WDR41: variants seen among roughly 807,000 people sequenced by gnomAD.
WDR41 encodes the protein WD repeat-containing protein 41.
Under a neutral mutation model 69.3 loss-of-function variants are expected in WDR41, and 63 were observed. The ratio of observed to expected loss-of-function variants is 0.91; its 90% confidence interval spans 0.74 to 1.12. WDR41 has a LOEUF of 1.12. WDR41 is among the 50% of genes most tolerant of loss of function. WDR41 has a pLI of 0.00. For missense variants in WDR41, 543 were observed against 534.5 expected (o/e 1.02, Z -0.16); for synonymous variants, 185 against 192.1 (o/e 0.96, Z 0.31).
intron 2 of WDR41, among the ~76,000 whole-genome samples, chr5:77,472,635 CAGAG>C (rs1800680751): frequency 6.6e-6 from 1 of 152,010 alleles, no homozygotes; most frequent in South Asian, 2.1e-4. Context: ...CAATAACAGA[CAGAG>C]AGCCAAATCA....
intron 1 of WDR41, among the ~76,000 whole-genome samples, chr5:77,586,721 CTT>C (rs763627760): frequency 5.4e-5 from 7 of 130,084 alleles, no homozygotes; most frequent in Admixed American, 1.6e-4. Flanking sequence ...ATTATCTAAA[CTT>C]TTTTTTTTTT....
chr5:77,603,742 A>C (rs1420219791), intron 1 of WDR41, among the ~76,000 whole-genome samples: 2 of 152,020 alleles, frequency 1.3e-5, no homozygotes, highest in Non-Finnish European at 2.9e-5. Flanking sequence ...TCTTGAGTTG[A>C]CTTTTGTATA....
chr5:77,578,818 C>T (rs114864585), intron 1 of WDR41, among the ~76,000 whole-genome samples: 3,815 of 141,408 alleles, frequency 0.027, 65 homozygotes, highest in African/African-American at 0.049. Context: ...AAGCCAAGAT[C>T]GCACCACTGC....
At chr5:77,471,275 C>A (rs1800594600) in intron 2 of WDR41, among the ~76,000 whole-genome samples, 1 of 152,180 alleles carries the variant, frequency 6.6e-6, no homozygotes, top group South Asian at 2.1e-4. Flanking sequence ...ACATTCAAAG[C>A]AGTGTGTAGA....
At chr5:77,480,606 T>C (rs562142873) in intron 2 of WDR41, among the ~76,000 whole-genome samples, 29 of 145,676 alleles carry the variant, frequency 2.0e-4, no homozygotes, top group African/African-American at 7.2e-4. Context: ...TTCTCACTCA[T>C]AGGTGGGAAC....
intron 1 of WDR41, among the ~76,000 whole-genome samples, chr5:77,556,095 C>CTTTTTTTT (rs34372647): frequency 1.7e-5 from 1 of 57,690 alleles, no homozygotes; most frequent in Non-Finnish European, 3.1e-5. Flanking sequence ...AAAAGATGGA[C>CTTTTTTTT]TTTTTTTTTT....
intron 1 of WDR41, among the ~76,000 whole-genome samples, chr5:77,573,929 C>T (rs1743778050): frequency 6.6e-6 from 1 of 152,156 alleles, no homozygotes; most frequent in African/African-American, 2.4e-5. Context: ...ACCCTGGTCT[C>T]ATTATTGCTT....
intron 1 of WDR41, among the ~76,000 whole-genome samples, chr5:77,571,021 T>A (rs988305179): frequency 2.0e-5 from 3 of 152,084 alleles, no homozygotes; most frequent in African/African-American, 7.2e-5. Flanking sequence ...TTACATTTAA[T>A]GCAATTAAGA....
At chr5:77,586,050 TTC>T (rs541234213) in intron 1 of WDR41, among the ~76,000 whole-genome samples, 21 of 152,282 alleles carry the variant, frequency 1.4e-4, no homozygotes, top group African/African-American at 5.1e-4. Context: ...TATCTAAAAC[TTC>T]ATAAGCCATG....
intron 1 of WDR41, among the ~76,000 whole-genome samples, chr5:77,593,524 TATAAA>T (rs1744168526): frequency 6.6e-6 from 1 of 152,152 alleles, no homozygotes; most frequent in Non-Finnish European, 1.5e-5. Context: ...TTATAAATAA[TATAAA>T]ATAATACATA....
chr5:77,583,106 C>G lies in WDR41; in HGVS notation c.42+37373G>C, dbSNP rs1743971134. On this transcript the variant is annotated intron_variant, in intron 1 of 5. Coordinates refer to the WDR41 transcript ENST00000509971. ...AGGGAGGACCAGATCAACAGGCTTA[C>G]TAGAAGAATGAACTAAGGTGTCTAC... is the stretch of plus-strand genomic sequence containing the variant. 43 of 1,550,342 alleles carry G rather than the reference C, an allele frequency of 2.8e-5. No homozygotes were observed. The South Asian group carries it at 4.8e-4, about 17-fold the overall frequency.
At chr5:77,489,425 CAATA>C (rs1167441152) in intron 2 of WDR41, 28 bp downstream of exon 2, 6 of 1,369,490 alleles carry the variant, frequency 4.4e-6, no homozygotes, top group Non-Finnish European at 6.0e-6. Context: ...TCTTCCCAAA[CAATA>C]GTCAATTAGA....
chr5:77,436,008 A>G (rs1798924168), intron 12 of WDR41, among the ~76,000 whole-genome samples: 1 of 152,192 alleles, frequency 6.6e-6, no homozygotes, highest in African/African-American at 2.4e-5. Context: ...ACTGTCAGCT[A>G]TCTCCAGCTC....
At chr5:77,448,762 G>A (rs1330079790) in intron 8 of WDR41, among the ~76,000 whole-genome samples, 2 of 152,044 alleles carry the variant, frequency 1.3e-5, no homozygotes, top group Non-Finnish European at 2.9e-5. Context: ...CAGCTATTTG[G>A]GAGGCTGAGG....
rs568475525 is a variant in WDR41, at chr5:77,478,720, T to A, written c.167+10737A>T. On this transcript the variant is annotated intron_variant, in intron 2 of 12. Coordinates refer to ENST00000296679, the MANE Select transcript of WDR41 (RefSeq NM_018268.4). ...TATGACAAACCCACAGCCAATATCA[T>A]ACTGAATGGGCAAAAACTGGAAGCA... Among the ~76,000 whole-genome samples the A allele has an allele frequency of 2.0e-4, 31 of 151,620 alleles. No homozygotes were observed. The South Asian group carries it at 4.8e-3, about 24-fold the overall frequency.
chr5:77,558,094 T>TTAAAAAAAAAA (rs1554036365), intron 1 of WDR41, among the ~76,000 whole-genome samples: 42 of 104,266 alleles, frequency 4.0e-4, no homozygotes, highest in African/African-American at 1.4e-3. Context: ...ATGTTCTTTT[T>TTAAAAAAAAAA]AAAAAAAAAA....
Position 77,583,520 on chromosome 5 carries a change from G to GA in WDR41, c.42+36958dup, listed in dbSNP as rs918286977. On this transcript the variant is annotated intron_variant, in intron 1 of 5. Coordinates refer to the WDR41 transcript ENST00000509971. ...GAGAGAAACCCTATCTCAGAAAAAA[G>GA]AAAAAAAAAAGCTACCCACGTATAC... Among the ~76,000 whole-genome samples, 26 of 134,430 alleles carry GA rather than the reference G, an allele frequency of 1.9e-4. No individual in the cohort carries two copies. The East Asian group carries it at 2.2e-3, about 12-fold the overall frequency. 88.2% of individuals were successfully genotyped at this position (134,430 alleles called of 152,430 possible). A position where few individuals can be genotyped will look rare whatever the true frequency, so the allele number is the denominator to read the frequency against.
chr5:77,610,790 A>G (rs1432067089), intron 1 of WDR41, among the ~76,000 whole-genome samples: 1 of 152,072 alleles, frequency 6.6e-6, no homozygotes, highest in East Asian at 1.9e-4. Flanking sequence ...GACAGGATCA[A>G]ATTCACACAT....
rs185190876 is a variant in WDR41, at chr5:77,547,318, A to G, written c.43-57746T>C. ...ATAAAGGGCATCCAAATCAGTAAAG[A>G]GGAAGTCAAGCTATCACTGTTTGCT... On this transcript the variant is annotated intron_variant, in intron 1 of 5. Transcript: ENST00000509971. 3.9e-5 allele frequency among the ~76,000 whole-genome samples: 6 copies of G among 152,268 alleles called. No individual in the cohort carries two copies. The East Asian group carries it at 1.2e-3, about 29-fold the overall frequency.
Sources: gnomAD v4.1 joint callset for allele counts (sites outside exome capture counted in the v4.1 genomes callset) on GRCh38, gnomAD v4.1.1 for gene constraint, MANE v1.5 for transcripts, NCBI Gene and HGNC (gene_info 2026-07-23, HGNC 2026-07-21) for gene names.